Variants in GFM2 observed in about 807,000 individuals in gnomAD.
The protein encoded by GFM2 is GTP dependent ribosome recycling factor mitochondrial 2, also known as ribosome-releasing factor 2, mitochondrial.
A neutral mutation model predicts 95.4 loss-of-function variants in GFM2; 72 were observed. The ratio of observed to expected loss-of-function variants is 0.76; its 90% CI spans 0.62 to 0.92. The LOEUF (loss-of-function observed/expected upper bound fraction) is 0.92. GFM2 is among the 40% of genes least tolerant of loss of function. The pLI is 0.00. For missense variants in GFM2, 825 were observed against 924.1 expected, an observed-to-expected ratio of 0.89 and a Z score of 1.39; for synonymous variants, 276 against 317.5, an observed-to-expected ratio of 0.87 and a Z score of 1.39.
intron 1 of GFM2, among the ~76,000 whole-genome samples, chr5:74,766,469 T>C (rs1237752861): frequency 6.6e-6 from 1 of 152,186 alleles, no homozygotes; most frequent in Non-Finnish European, 1.5e-5. Flanking sequence ...AGTAAAAGGG[T>C]AAACCTGATA....
Position 74,721,576 on chromosome 5 carries a change from AAATAAAGC to A in GFM2, c.*71_*78del. 1 of 1,401,442 alleles carries A rather than the reference AAATAAAGC, an allele frequency of 7.1e-7. No individual in the cohort carries two copies. Among genetic ancestry groups the A allele is most frequent in the Non-Finnish European group, 1.0e-6 (1 of 1,001,280 alleles). The allele number at this position is 1,401,442 out of a possible 1,614,324, so 86.8% of individuals were successfully genotyped here. A position where few individuals can be genotyped will look rare whatever the true frequency, so the allele number is the denominator to read the frequency against. ...TGAAACAGTACTTTATTCGTCCAAT[AAATAAAGC>A]AATAAAAATTGTTCTTACTGAAAAT... is the stretch of plus-strand genomic sequence containing the variant. On this transcript the variant is annotated 3_prime_UTR_variant, in exon 21 of 21. Transcript: ENST00000296805.
In GFM2 at chr5:74,738,660, CA is replaced by C. The variant is rs762693230; in HGVS notation, c.1080-19del. The C allele has an allele frequency of 1.3e-6, 2 of 1,587,662 alleles. No homozygotes were observed. The highest frequency in any genetic ancestry group is 8.5e-7 in the Non-Finnish European group (1 of 1,170,054). ...ACCACTGCCTATAAAATAAACATTC[CA>C]AAAAGGCCTATAAAATACACTTCCC... On this transcript the variant is annotated intron_variant, in intron 12 of 20. Coordinates refer to ENST00000296805, the MANE Select transcript of GFM2 (RefSeq NM_032380.5).
Position 74,733,290 on chromosome 5 carries a change from C to CAA in GFM2, c.1511-193_1511-192insTT. ...ATGATCGCTTGAGCCCAGGAGTTTG[C>CAA]GACCAGCCTGGGCAACATGGCGAAA... is the stretch of plus-strand genomic sequence containing the variant. On this transcript the variant is annotated intron_variant, in intron 15 of 20. Coordinates refer to ENST00000296805, the MANE Select transcript of GFM2 (RefSeq NM_032380.5). 3.0e-4 allele frequency: 133 copies of CAA among 436,282 alleles called. 1 individual carries two copies. The highest frequency in any genetic ancestry group is 7.8e-4 in the South Asian group (23 of 29,472). 27.0% of individuals were successfully genotyped at this position (436,282 alleles called of 1,614,324 possible).
chr5:74,763,781 A>G lies in GFM2; in HGVS notation c.-24-15T>C. 1 of 1,536,794 alleles carries G rather than the reference A, an allele frequency of 6.5e-7. No individual in the cohort carries two copies. The highest frequency in any genetic ancestry group is 9.0e-7 in the Non-Finnish European group (1 of 1,112,824). On this transcript the variant is annotated splice_polypyrimidine_tract_variant and intron_variant, in intron 1 of 20. Coordinates refer to ENST00000296805, the MANE Select transcript of GFM2 (RefSeq NM_032380.5). Reference sequence around the variant, plus strand: ...ACTGTTACTGTCTGAAAAAATAAATATACAAAATCAAAAAACTAAACTTAT... The same window carrying G: ...ACTGTTACTGTCTGAAAAAATAAATGTACAAAATCAAAAAACTAAACTTAT...
chr5:74,751,363 C>T lies in GFM2; in HGVS notation c.430+5G>A. On this transcript the variant is annotated splice_donor_5th_base_variant and intron_variant, in intron 6 of 20. Transcript: ENST00000296805. ...CATCTCTGTGTTACTGGAATCGTAC[C>T]ATACCTGGTGTATCAATTAGATTGA... The T allele has an allele frequency of 1.2e-6, 2 of 1,611,038 alleles. No individual in the cohort carries two copies. Among genetic ancestry groups the T allele is most frequent in the Admixed American group, 1.7e-5 (1 of 59,656 alleles).
chr5:74,759,741 CATA>C (rs748597601), intron 3 of GFM2, among the ~76,000 whole-genome samples: 8 of 152,006 alleles, frequency 5.3e-5, no homozygotes, highest in Non-Finnish European at 1.2e-4. Flanking sequence ...AATAAATGCT[CATA>C]ATAATAATCT....
chr5:74,726,265 A>G, intron 17 of GFM2, 139 bp from the exon 18 acceptor site: 1 of 584,936 alleles, frequency 1.7e-6, no homozygotes, highest in Non-Finnish European at 3.0e-6. Context: ...ATGGCACTAA[A>G]TACAGTATAA....
intron 15 of GFM2, among the ~76,000 whole-genome samples, chr5:74,734,642 C>T (rs1355905914): frequency 1.3e-5 from 2 of 152,136 alleles, no homozygotes; most frequent in African/African-American, 2.4e-5. Flanking sequence ...ATGCGTATGA[C>T]ACTAAGTGAC....
chr5:74,765,085 C>T, intron 1 of GFM2: 1 of 1,255,966 alleles, frequency 8.0e-7, no homozygotes, highest in Middle Eastern at 2.2e-4. Flanking sequence ...CATGCCTGGC[C>T]TTGAATCCAT....
intron 16 of GFM2, 87 bp downstream of exon 16, chr5:74,732,935 C>CACAA: frequency 4.2e-6 from 1 of 235,854 alleles, no homozygotes; most frequent in East Asian, 5.7e-5. Context: ...TAGACACACA[C>CACAA]ACACACACAC....
At chr5:74,739,509 A>AATTATTATTT (rs1235420886) in intron 12 of GFM2, among the ~76,000 whole-genome samples, 8 of 152,182 alleles carry the variant, frequency 5.3e-5, no homozygotes, top group African/African-American at 1.9e-4. Context: ...TGTCAGGATT[A>AATTATTATTT]AGATAATTAA....
At chr5:74,723,283 G>GT (rs1749998995) in intron 19 of GFM2, among the ~76,000 whole-genome samples, 2 of 152,166 alleles carry the variant, frequency 1.3e-5, no homozygotes, top group Admixed American at 6.5e-5. Context: ...GCAGCCCATA[G>GT]TTTGAGTGCT....
intron 9 of GFM2, 112 bp downstream of exon 9, chr5:74,745,993 T>C (rs2112297307): frequency 9.4e-7 from 1 of 1,065,294 alleles, no homozygotes; most frequent in Non-Finnish European, 1.4e-6. Context: ...GCTATTTCTA[T>C]TTATACCCCA....
intron 5 of GFM2, among the ~76,000 whole-genome samples, chr5:74,752,497 T>C (rs553822278): frequency 2.8e-4 from 42 of 152,312 alleles, no homozygotes; most frequent in East Asian, 3.9e-4. Context: ...TATAACTCTA[T>C]GTTAATATCT....
intron 1 of GFM2, among the ~76,000 whole-genome samples, chr5:74,766,531 G>A (rs1350550074): frequency 6.6e-6 from 1 of 152,058 alleles, no homozygotes; most frequent in Non-Finnish European, 1.5e-5. Flanking sequence ...TTGACACTAG[G>A]GGGCCACTAA....
chr5:74,762,914 T>C (rs916156523), intron 2 of GFM2, among the ~76,000 whole-genome samples: 2 of 152,202 alleles, frequency 1.3e-5, no homozygotes, highest in African/African-American at 4.8e-5. Context: ...CAGACCACAG[T>C]TGACTCTGAG....
intron 19 of GFM2, among the ~76,000 whole-genome samples, chr5:74,723,815 C>G (rs1054955851): frequency 2.0e-5 from 3 of 151,742 alleles, no homozygotes; most frequent in Non-Finnish European, 1.5e-5. Flanking sequence ...AAATATAAAT[C>G]TTTCCAAGAA....
intron 19 of GFM2, among the ~76,000 whole-genome samples, chr5:74,723,574 C>T (rs1750016312): frequency 6.6e-6 from 1 of 152,140 alleles, no homozygotes; most frequent in East Asian, 1.9e-4. Context: ...CAAATCCCTT[C>T]TGTACTTTGA....
rs763177573 is a variant in GFM2, at chr5:74,721,276, TTTA to T, written c.*376_*378del. Reference sequence around the variant, plus strand: ...TAGACTGTTTTTTGAATAAAATATTTTTATTGATTGAACCTTTGACCCTCTATC... The same window carrying T: ...TAGACTGTTTTTTGAATAAAATATTTTTGATTGAACCTTTGACCCTCTATC... On this transcript the variant is annotated 3_prime_UTR_variant, in exon 21 of 21. Coordinates refer to ENST00000296805, the MANE Select transcript of GFM2 (RefSeq NM_032380.5). 1 of 988,098 alleles carries T rather than the reference TTTA, an allele frequency of 1.0e-6. No homozygotes were observed. Among genetic ancestry groups the T allele is most frequent in the South Asian group, 1.3e-5 (1 of 75,128 alleles). The allele number at this position is 988,098 out of a possible 1,614,324, so 61.2% of individuals were successfully genotyped here. A position where few individuals can be genotyped will look rare whatever the true frequency, so the allele number is the denominator to read the frequency against.
Sources: allele counts gnomAD v4.1 joint callset (sites outside exome capture counted in the v4.1 genomes callset), GRCh38; gene constraint gnomAD v4.1.1; transcripts MANE v1.5; gene names NCBI Gene and HGNC (gene_info 2026-07-23, HGNC 2026-07-21).